The following STK31 variants were observed in gnomAD, a reference collection of about 807,000 sequenced individuals.
STK31 encodes the protein serine/threonine kinase 31.
Under a neutral mutation model 129.7 loss-of-function variants are expected in STK31, and 89 were observed. The observed-to-expected ratio is 0.69, with a 90% CI of 0.58 to 0.82. The LOEUF (loss-of-function observed/expected upper bound fraction) is 0.82, where lower values mean the gene tolerates loss of function less well. Ranked by LOEUF, STK31 falls within the 40% of genes least tolerant of loss-of-function variation. STK31 has a pLI of 0.00. For synonymous variants in STK31, 448 were observed against 395.3 expected, an observed-to-expected ratio of 1.13 and a Z score of -1.58; for missense variants, 1,187 against 1,176.4, an observed-to-expected ratio of 1.01 and a Z score of -0.13.
At chr7:23,785,870 G>A (rs1321421444) in intron 18 of STK31, among the ~76,000 whole-genome samples, 1 of 152,022 alleles carries the variant, frequency 6.6e-6, no homozygotes, top group African/African-American at 2.4e-5. Flanking sequence ...GGGAGGGATA[G>A]CATTAGGAGA....
At chr7:23,824,968 A>G (rs902739962) in intron 23 of STK31, among the ~76,000 whole-genome samples, 6 of 152,104 alleles carry the variant, frequency 3.9e-5, no homozygotes, top group African/African-American at 9.7e-5. Context: ...ATGGTGGGTA[A>G]GCTTTTTGAT....
chr7:23,804,872 G>C (rs28735578), intron 22 of STK31, among the ~76,000 whole-genome samples: 2 of 151,610 alleles, frequency 1.3e-5, no homozygotes, highest in Non-Finnish European at 1.5e-5. Flanking sequence ...TTTATTTACT[G>C]TCTCTCTTTT....
intron 22 of STK31, among the ~76,000 whole-genome samples, chr7:23,812,300 C>T (rs1050575783): frequency 2.7e-5 from 4 of 150,658 alleles, no homozygotes; most frequent in East Asian, 3.9e-4. Context: ...ATATGATAAA[C>T]GTTTATCATA....
At chr7:23,812,640 G>A (rs1314036042) in intron 22 of STK31, among the ~76,000 whole-genome samples, 1 of 151,800 alleles carries the variant, frequency 6.6e-6, no homozygotes, top group Non-Finnish European at 1.5e-5. Context: ...TACTCATTAA[G>A]TAATTTCTCA....
chr7:23,727,721 C>G (rs1474964612), intron 5 of STK31: 1 of 173,198 alleles, frequency 5.8e-6, no homozygotes, highest in Non-Finnish European at 1.2e-5. Context: ...CACCAACACA[C>G]TGGCTAATTT....
intron 12 of STK31, among the ~76,000 whole-genome samples, 182 bp downstream of exon 12, chr7:23,769,356 C>T (rs1584414220): frequency 1.3e-5 from 2 of 151,852 alleles, no homozygotes; most frequent in South Asian, 4.2e-4. Flanking sequence ...TTATTAGTCT[C>T]AAAAAAATCA....
At chr7:23,782,471 C>CAAAAAAAAAAAA (rs66962254) in intron 16 of STK31, among the ~76,000 whole-genome samples, 5 of 84,528 alleles carry the variant, frequency 5.9e-5, no homozygotes, top group East Asian at 3.3e-4. Context: ...GACCCTGTCT[C>CAAAAAAAAAAAA]AAAAAAAAAA....
rs74330472 is a variant in STK31, at chr7:23,714,885, C to T, written c.151-2596C>T. On this transcript the variant is annotated intron_variant, in intron 3 of 23. Coordinates refer to ENST00000355870, the MANE Select transcript of STK31 (RefSeq NM_031414.5). Reference sequence around the variant, plus strand: ...TTCTGCCAACATAGTGCAAAGCAGCCATAGACATAATGTGAATGAGTGTGT... The same window carrying T: ...TTCTGCCAACATAGTGCAAAGCAGCTATAGACATAATGTGAATGAGTGTGT... Among the ~76,000 whole-genome samples, 3 of 152,094 alleles carry T rather than the reference C, an allele frequency of 2.0e-5. No individual in the cohort carries two copies. In the South Asian group the frequency reaches 6.2e-4, roughly 32 times the overall value.
At chr7:23,778,327 T>A (rs887058131) in intron 15 of STK31, among the ~76,000 whole-genome samples, 3 of 152,136 alleles carry the variant, frequency 2.0e-5, no homozygotes, top group Non-Finnish European at 2.9e-5. Context: ...GGGTTGCTGT[T>A]TTTGAGGAGT....
rs368874962 is a variant in STK31 at position 23,775,217 on chromosome 7, T to A, written c.1965+2939T>A. On this transcript the variant is annotated intron_variant, in intron 15 of 23. Coordinates refer to ENST00000355870, the MANE Select transcript of STK31 (RefSeq NM_031414.5). ...CTGTTTTGGCACCAGTACCATGCTG[T>A]TTTGGTTACTGTAGCCTTGTAGTAT... Among the ~76,000 whole-genome samples, 47 of 152,310 alleles carry A rather than the reference T, an allele frequency of 3.1e-4. No homozygotes were observed. The South Asian group carries it at 9.5e-3, about 31-fold the overall frequency.
chr7:23,727,300 C>T lies in STK31; in HGVS notation c.309C>T (p.Ile103=), dbSNP rs906729876. The T allele has an allele frequency of 8.7e-6, 14 of 1,613,342 alleles. No individual in the cohort carries two copies. Among genetic ancestry groups the T allele is most frequent in the Middle Eastern group, 3.3e-4 (2 of 6,056 alleles). The change falls in exon 5 of 24, where the codon ATC becomes ATT. Residue 103 remains isoleucine (I), a synonymous_variant. Transcript: ENST00000355870. The part of the protein sequence containing the change: ...QCWYRCKVLK[I]ISVEKCLVRY... ...GGTACAGATGCAAAGTACTGAAAAT[C>T]ATCAGCGTTGAAAAGGCAGGAAATT...
chr7:23,806,873 C>G (rs1228687754), intron 22 of STK31, among the ~76,000 whole-genome samples: 1 of 141,292 alleles, frequency 7.1e-6, no homozygotes, highest in Non-Finnish European at 1.5e-5. Context: ...GCACTCCAGC[C>G]TGGGTGACAG....
chr7:23,711,973 A>G, intron 1 of STK31, 126 bp from the exon 2 acceptor site: 3 of 756,364 alleles, frequency 4.0e-6, no homozygotes, highest in Non-Finnish European at 6.3e-6. Flanking sequence ...CATTTTTAAT[A>G]TAGAGTTTGA....
At chr7:23,738,476 C>T (rs183084162) in intron 8 of STK31, among the ~76,000 whole-genome samples, 1 of 152,172 alleles carries the variant, frequency 6.6e-6, no homozygotes, top group African/African-American at 2.4e-5. Flanking sequence ...CAACTTCTGC[C>T]TCCCGGACTC....
intron 16 of STK31, among the ~76,000 whole-genome samples, chr7:23,782,967 A>G (rs1342595090): frequency 6.6e-6 from 1 of 152,166 alleles, no homozygotes; most frequent in African/African-American, 2.4e-5. Context: ...TTCAATTAGT[A>G]AGATGGTAGT....
At chr7:23,773,652 C>G (rs2128105091) in intron 15 of STK31, among the ~76,000 whole-genome samples, 1 of 152,208 alleles carries the variant, frequency 6.6e-6, no homozygotes, top group African/African-American at 2.4e-5. Flanking sequence ...AATTTACACT[C>G]CCACCAACAG....
chr7:23,788,337 A>G (rs537995981), intron 21 of STK31, among the ~76,000 whole-genome samples: 2 of 152,268 alleles, frequency 1.3e-5, no homozygotes, highest in African/African-American at 4.8e-5. Flanking sequence ...CTTAGGAGCT[A>G]CCTGACATTA....
chr7:23,770,682 C>T (rs1584416563), intron 13 of STK31, among the ~76,000 whole-genome samples: 1 of 151,920 alleles, frequency 6.6e-6, no homozygotes, highest in Admixed American at 6.6e-5. Flanking sequence ...TGATGTGATC[C>T]TAGCTCACTG....
chr7:23,788,767 A>G (rs187993313), intron 21 of STK31, among the ~76,000 whole-genome samples: 202 of 152,304 alleles, frequency 1.3e-3, no homozygotes, highest in African/African-American at 4.4e-3. Context: ...GTATGTATAC[A>G]ATGTGGAGTG....
Sources: gnomAD v4.1 joint callset for allele counts (sites outside exome capture counted in the v4.1 genomes callset) on GRCh38, gnomAD v4.1.1 for gene constraint, MANE v1.5 for transcripts, NCBI Gene and HGNC (gene_info 2026-07-23, HGNC 2026-07-21) for gene names.